SV2C: variants seen among roughly 807,000 people sequenced by gnomAD.
SV2C encodes synaptic vesicle glycoprotein 2C.
A neutral mutation model predicts 79.7 loss-of-function variants in SV2C; 49 were observed. The ratio of observed to expected loss-of-function variants is 0.61; its 90% CI spans 0.49 to 0.78. The LOEUF (loss-of-function observed/expected upper bound fraction) is 0.78, where lower values mean the gene tolerates loss of function less well. Among genes scored for constraint, SV2C ranks in the 30% least tolerant of loss-of-function variants. The probability of loss-of-function intolerance (pLI) is 0.00; values close to 1 mark genes in which losing one functional copy is unlikely to be tolerated. For missense variants in SV2C, 833 were observed against 912.9 expected (o/e 0.91, Z 1.13); for synonymous variants, 334 against 333.2 (o/e 1.00, Z -0.03).
At chr5:76,066,819 A>G in the SV2C span, among the ~76,000 whole-genome samples, 4 of 146,508 alleles carry the variant, frequency 2.7e-5, no homozygotes, top group Non-Finnish European at 6.0e-5. Context: ...AAAAAAAAGC[A>G]TGGTAGAGAA....
chr5:75,985,787 A>G, the SV2C span, among the ~76,000 whole-genome samples: 4 of 151,962 alleles, frequency 2.6e-5, no homozygotes. Flanking sequence ...AGGAGCTCTT[A>G]GAGAGCCCAC....
chr5:76,021,843 C>A, the SV2C span, among the ~76,000 whole-genome samples: 1 of 152,072 alleles, frequency 6.6e-6, no homozygotes. Context: ...TATTGAGTCA[C>A]TATGGAAGCT....
chr5:76,232,288 T>A (rs1490262562), intron 4 of SV2C, among the ~76,000 whole-genome samples: 1 of 150,172 alleles, frequency 6.7e-6, no homozygotes. Context: ...TGGGGTTGTT[T>A]GTTTTTTTCT....
At chr5:76,225,064 G>A (rs140922523) in intron 4 of SV2C, among the ~76,000 whole-genome samples, 1 of 152,292 alleles carries the variant, frequency 6.6e-6, no homozygotes, top group East Asian at 1.9e-4. Context: ...GCACCACTGG[G>A]CCACACTGAT....
At chr5:75,862,935 A>G in the SV2C span, among the ~76,000 whole-genome samples, 1 of 152,220 alleles carries the variant, frequency 6.6e-6, no homozygotes, top group East Asian at 1.9e-4. Context: ...GGCTTCGGGA[A>G]TCACGGAACG....
the SV2C span, among the ~76,000 whole-genome samples, chr5:75,901,794 A>G: frequency 3.5e-4 from 54 of 152,338 alleles, no homozygotes; most frequent in African/African-American, 1.2e-3. Flanking sequence ...GGGCAATGGC[A>G]GGTGCCCCTC....
chr5:76,114,886 C>A lies in SV2C; in HGVS notation c.-101-16764C>A, dbSNP rs113470488. Among the ~76,000 whole-genome samples, 1,119 of 152,330 alleles carry A rather than the reference C, an allele frequency of 7.3e-3. 10 individuals are homozygous for A. Among genetic ancestry groups the A allele is most frequent in the African/African-American group, 0.026 (1,075 of 41,578 alleles). On this transcript the variant is annotated intron_variant, in intron 1 of 12. Coordinates refer to ENST00000502798, the MANE Select transcript of SV2C (RefSeq NM_014979.4). ...ATGAATTATATTTATAAATTACATTCTTTTATTCTTTTTAAATTCAAGTAA... is the reference window on the plus strand; with the variant it reads ...ATGAATTATATTTATAAATTACATTATTTTATTCTTTTTAAATTCAAGTAA...
chr5:76,078,984 T>C (rs1746932314), upstream of SV2C: 4 of 481,008 alleles, frequency 8.3e-6, no homozygotes, highest in Admixed American at 9.4e-5. Context: ...AAGACAGTAC[T>C]GGGCTGGTGA....
the SV2C span, among the ~76,000 whole-genome samples, chr5:76,003,611 CA>C: frequency 1.3e-5 from 2 of 151,868 alleles, no homozygotes; most frequent in East Asian, 1.9e-4. Context: ...CAGCATCACC[CA>C]AAACACTTTA....
intron 6 of SV2C, among the ~76,000 whole-genome samples, chr5:76,287,292 T>C (rs192816877): frequency 6.6e-6 from 1 of 152,310 alleles, no homozygotes; most frequent in African/African-American, 2.4e-5. Flanking sequence ...GGAAAGTAGC[T>C]ATATAGGAAA....
chr5:76,168,637 A>G, intron 2 of SV2C, among the ~76,000 whole-genome samples: 1 of 152,164 alleles, frequency 6.6e-6, no homozygotes, highest in Non-Finnish European at 1.5e-5. Flanking sequence ...TGCTTTCACG[A>G]TAGCCTGGAG....
chr5:75,900,032 T>C, the SV2C span, among the ~76,000 whole-genome samples: 3 of 151,204 alleles, frequency 2.0e-5, no homozygotes, highest in Admixed American at 6.9e-5. Context: ...TTTGCCAGTC[T>C]GTCTTTTAAT....
chr5:76,218,595 A>G (rs1385104884), intron 4 of SV2C, among the ~76,000 whole-genome samples: 1 of 152,092 alleles, frequency 6.6e-6, no homozygotes, highest in East Asian at 1.9e-4. Flanking sequence ...TCATACACCA[A>G]GGCCTGTTGG....
At chr5:76,180,141 C>A (rs2112298009) in intron 2 of SV2C, among the ~76,000 whole-genome samples, 1 of 152,200 alleles carries the variant, frequency 6.6e-6, no homozygotes, top group South Asian at 2.1e-4. Context: ...CCCCTCCAGG[C>A]CTTTCTGTTG....
intron 12 of SV2C, among the ~76,000 whole-genome samples, chr5:76,307,863 TCTA>T (rs544064486): frequency 1.3e-3 from 199 of 152,322 alleles, no homozygotes; most frequent in African/African-American, 4.6e-3. Context: ...CTTTATTTCT[TCTA>T]CTTCTTTGCT....
chr5:76,040,101 A>C, the SV2C span, among the ~76,000 whole-genome samples: 1 of 152,232 alleles, frequency 6.6e-6, no homozygotes, highest in Non-Finnish European at 1.5e-5. Flanking sequence ...CTAAGAAAGA[A>C]TTAACTCTTT....
intron 4 of SV2C, among the ~76,000 whole-genome samples, chr5:76,250,103 G>A (rs915030415): frequency 6.6e-6 from 1 of 152,000 alleles, no homozygotes; most frequent in African/African-American, 2.4e-5. Context: ...CCCAAGTTTC[G>A]AGGGTTACTG....
At chr5:76,057,072 T>C in the SV2C span, among the ~76,000 whole-genome samples, 1 of 152,136 alleles carries the variant, frequency 6.6e-6, no homozygotes, top group Non-Finnish European at 1.5e-5. Context: ...TCTAGTTCTT[T>C]TAATTGTGAT....
rs752188839 is a variant in SV2C at position 76,328,503 on chromosome 5, C to A, written c.*2956C>A. 4 of 152,222 alleles carry A rather than the reference C, an allele frequency of 2.6e-5. No homozygotes were observed. The allele number at this position is 152,222 out of a possible 1,614,324, so 9.4% of individuals were successfully genotyped here. Reference sequence around the variant, plus strand: ...GTATTGGGTTTTAAGGCACCCAACTCACATTCAGTCCTGCTGCCTGAATCA... The same window carrying A: ...GTATTGGGTTTTAAGGCACCCAACTAACATTCAGTCCTGCTGCCTGAATCA... On this transcript the variant is annotated 3_prime_UTR_variant, in exon 13 of 13. Transcript: ENST00000502798.
Sources: allele counts gnomAD v4.1 joint callset (sites outside exome capture counted in the v4.1 genomes callset), GRCh38; gene constraint gnomAD v4.1.1; transcripts MANE v1.5; gene names NCBI Gene and HGNC (gene_info 2026-07-23, HGNC 2026-07-21).